BCKDHB: variants seen among roughly 807,000 people sequenced by gnomAD.
BCKDHB encodes the protein branched chain keto acid dehydrogenase E1 subunit beta.
A neutral mutation model predicts 48.5 loss-of-function variants in BCKDHB; 41 were observed. The ratio of observed to expected loss-of-function variants is 0.85; its 90% CI spans 0.66 to 1.10. The LOEUF is 1.10. Among genes scored for constraint, BCKDHB ranks in the 50% least tolerant of loss-of-function variants. The probability of loss-of-function intolerance (pLI) is 0.00; values close to 1 mark genes in which losing one functional copy is unlikely to be tolerated. For missense variants in BCKDHB, 496 were observed against 494.2 expected (o/e 1.00, Z -0.03); for synonymous variants, 201 against 174.8 (o/e 1.15, Z -1.18).
the BCKDHB span, among the ~76,000 whole-genome samples, chr6:80,357,616 C>A: frequency 3.3e-5 from 5 of 152,218 alleles, no homozygotes; most frequent in African/African-American, 1.2e-4. Context: ...TAACTACATA[C>A]AAAACTTCGA....
chr6:80,175,316 A>G (rs1011330957), intron 6 of BCKDHB, among the ~76,000 whole-genome samples: 3 of 152,172 alleles, frequency 2.0e-5, no homozygotes, highest in Non-Finnish European at 4.4e-5. Context: ...CCATGACCAC[A>G]CCTAACCACA....
chr6:80,117,496 A>G (rs1769766210), intron 1 of BCKDHB, among the ~76,000 whole-genome samples: 1 of 152,234 alleles, frequency 6.6e-6, no homozygotes, highest in South Asian at 2.1e-4. Flanking sequence ...ATCTGGCCAT[A>G]AACTGGCCCC....
intron 9 of BCKDHB, among the ~76,000 whole-genome samples, chr6:80,317,676 C>G (rs1053461082): frequency 2.0e-5 from 3 of 152,172 alleles, no homozygotes; most frequent in Non-Finnish European, 4.4e-5. Context: ...ATTCGTAGTT[C>G]GAAGGATTAG....
At position 80,136,043 on chromosome 6, in the gene BCKDHB, T is replaced by C. The variant is rs149209565; in HGVS notation, c.343+6814T>C. 1.7e-3 allele frequency among the ~76,000 whole-genome samples: 264 copies of C among 152,328 alleles called. 1 individual carries two copies. The highest frequency in any genetic ancestry group is 6.0e-3 in the African/African-American group (250 of 41,586). On this transcript the variant is annotated intron_variant, in intron 3 of 9. Transcript: ENST00000320393. ...ATAATATTGTGTTGTATGCATATAC[T>C]ACATTTTGTTTATCCATTCATTTGT...
intron 9 of BCKDHB, among the ~76,000 whole-genome samples, chr6:80,312,142 C>A (rs1267687504): frequency 6.6e-6 from 1 of 152,144 alleles, no homozygotes; most frequent in Non-Finnish European, 1.5e-5. Flanking sequence ...TCCTTCACTT[C>A]CCTTATTAGC....
At chr6:80,369,814 C>A in the BCKDHB span, among the ~76,000 whole-genome samples, 2 of 152,168 alleles carry the variant, frequency 1.3e-5, no homozygotes, top group Non-Finnish European at 2.9e-5. Context: ...CAGTATCAAC[C>A]TTTCCATTCA....
At chr6:80,184,828 T>G (rs551061612) in intron 6 of BCKDHB, among the ~76,000 whole-genome samples, 2 of 152,222 alleles carry the variant, frequency 1.3e-5, no homozygotes, top group Non-Finnish European at 2.9e-5. Context: ...AGGTTTTCCT[T>G]TATAGGTTAC....
chr6:80,383,069 G>T, the BCKDHB span, among the ~76,000 whole-genome samples: 1 of 152,076 alleles, frequency 6.6e-6, no homozygotes, highest in Non-Finnish European at 1.5e-5. Flanking sequence ...TCTGCATTTT[G>T]GGGTCAGGCT....
intron 6 of BCKDHB, among the ~76,000 whole-genome samples, chr6:80,200,340 C>G (rs2040053756): frequency 6.6e-6 from 1 of 152,020 alleles, no homozygotes; most frequent in Admixed American, 6.6e-5. Context: ...GTCAGTGACT[C>G]TGATTGATGA....
At chr6:80,422,124 G>C in the BCKDHB span, among the ~76,000 whole-genome samples, 1 of 152,170 alleles carries the variant, frequency 6.6e-6, no homozygotes, top group South Asian at 2.1e-4. Flanking sequence ...CCACTGCTCT[G>C]TTCAGCCTGT....
chr6:80,339,335 C>T (rs755661770), intron 9 of BCKDHB, among the ~76,000 whole-genome samples: 1 of 152,038 alleles, frequency 6.6e-6, no homozygotes, highest in East Asian at 1.9e-4. Context: ...TGTGCTTGTC[C>T]TCTCTTACCT....
chr6:80,266,991 C>T (rs1449088432), intron 8 of BCKDHB, among the ~76,000 whole-genome samples: 3 of 151,908 alleles, frequency 2.0e-5, no homozygotes, highest in Non-Finnish European at 2.9e-5. Flanking sequence ...ACCACCACCA[C>T]CCCCCGCCCA....
chr6:80,139,659 C>T (rs932340169), intron 3 of BCKDHB, among the ~76,000 whole-genome samples: 1 of 152,020 alleles, frequency 6.6e-6, no homozygotes, highest in African/African-American at 2.4e-5. Flanking sequence ...TTCCATTGAT[C>T]TATGTCTCTG....
chr6:80,324,100 T>A (rs756954961), intron 9 of BCKDHB, among the ~76,000 whole-genome samples: 32 of 152,004 alleles, frequency 2.1e-4, no homozygotes, highest in Admixed American at 6.6e-4. Context: ...ATGGTGACTT[T>A]CCCCCACCCT....
At chr6:80,455,347 C>T in the BCKDHB span, among the ~76,000 whole-genome samples, 2 of 151,822 alleles carry the variant, frequency 1.3e-5, no homozygotes, top group Non-Finnish European at 2.9e-5. Context: ...TTCATAGTTA[C>T]CCTCATTACC....
At chr6:80,250,552 A>G (rs1345818070) in intron 8 of BCKDHB, among the ~76,000 whole-genome samples, 3 of 152,176 alleles carry the variant, frequency 2.0e-5, no homozygotes, top group Non-Finnish European at 4.4e-5. Flanking sequence ...GAAGAGTCAT[A>G]TCTGGAGAGC....
At chr6:80,439,679 A>T in the BCKDHB span, among the ~76,000 whole-genome samples, 2 of 152,190 alleles carry the variant, frequency 1.3e-5, no homozygotes, top group Non-Finnish European at 2.9e-5. Flanking sequence ...AACATTTTGA[A>T]AGTATACACA....
intron 1 of BCKDHB, among the ~76,000 whole-genome samples, chr6:80,124,481 T>C (rs892632939): frequency 2.6e-5 from 4 of 152,186 alleles, no homozygotes; most frequent in African/African-American, 4.8e-5. Context: ...CTGTCTAATA[T>C]TGACATTGGA....
At chr6:80,237,488 GAATTATTCAT>G (rs1287835773) in intron 8 of BCKDHB, among the ~76,000 whole-genome samples, 1 of 152,144 alleles carries the variant, frequency 6.6e-6, no homozygotes, top group Non-Finnish European at 1.5e-5. Flanking sequence ...GCCTGTTACA[GAATTATTCAT>G]AATAAGCTCA....
Sources: allele counts gnomAD v4.1 joint callset (sites outside exome capture counted in the v4.1 genomes callset), GRCh38; gene constraint gnomAD v4.1.1; transcripts MANE v1.5; gene names NCBI Gene and HGNC (gene_info 2026-07-23, HGNC 2026-07-21).